STAG3: variants seen among roughly 807,000 people sequenced by gnomAD.
STAG3 encodes STAG3 cohesin complex component.
In STAG3, 101 loss-of-function variants were observed where a neutral mutation model predicts 160.7. The ratio of observed to expected loss-of-function variants is 0.63; its 90% CI spans 0.54 to 0.74. The LOEUF (loss-of-function observed/expected upper bound fraction) is 0.74. STAG3 is among the 30% of genes least tolerant of loss of function. STAG3 has a pLI of 0.00. For synonymous variants in STAG3, 519 were observed against 585.0 expected, an observed-to-expected ratio of 0.89 and a Z score of 1.63; for missense variants, 1,188 against 1,517.4, an observed-to-expected ratio of 0.78 and a Z score of 3.61.
downstream of STAG3, among the ~76,000 whole-genome samples, chr7:100,217,722 TTTACC>T (rs1358225431): frequency 3.3e-5 from 5 of 152,262 alleles, no homozygotes; most frequent in East Asian, 9.6e-4. Flanking sequence ...GACAGGGGTC[TTTACC>T]TTTTAGGTAG....
At position 100,196,562 on chromosome 7, in the gene STAG3, C is replaced by G. The variant is rs531167563; in HGVS notation, c.942-594C>G. ...ACCCCAGCACTTTGGGAGGCCAAGA[C>G]AGGCAGATCACTTGAGGTCAGGAGT... On this transcript the variant is annotated intron_variant, in intron 9 of 33. Transcript: ENST00000615138. Among the ~76,000 whole-genome samples, 3 of 152,190 alleles carry G rather than the reference C, an allele frequency of 2.0e-5. No individual in the cohort carries two copies. In the East Asian group the frequency reaches 5.8e-4, roughly 29 times the overall value.
intron 8 of STAG3, 125 bp from the exon 9 acceptor site, chr7:100,195,184 T>C: frequency 1.2e-6 from 1 of 803,494 alleles, no homozygotes; most frequent in Non-Finnish European, 2.2e-6. Context: ...AGCATAGGAT[T>C]ACGGGGGTTC....
chr7:100,189,406 T>C, intron 7 of STAG3, 39 bp from the exon 8 acceptor site: 1 of 1,594,510 alleles, frequency 6.3e-7, no homozygotes, highest in Non-Finnish European at 8.5e-7. Flanking sequence ...TCCTCTGACC[T>C]CAGTAATGAT....
chr7:100,213,422 A>AC, intron 32 of STAG3: 1 of 985,476 alleles, frequency 1.0e-6, no homozygotes, highest in Non-Finnish European at 1.2e-6. Context: ...GAGAAACCAA[A>AC]CAATGATACC....
In STAG3 at chr7:100,188,756, A is replaced by G. The variant is rs1320797813; in HGVS notation, c.511-56A>G. 2.6e-5 allele frequency: 41 copies of G among 1,570,682 alleles called. No individual in the cohort carries two copies. In the Admixed American group the frequency reaches 5.3e-4, roughly 20 times the overall value. ...GTTGAGTTTTGACATCCAAGCCCCT[A>G]TGACTTCATGGACCTGGTAATAACT... On this transcript the variant is annotated intron_variant, in intron 6 of 33. Transcript: ENST00000615138.
intron 33 of STAG3, 58 bp downstream of exon 33, chr7:100,213,864 T>C (rs375579383): frequency 6.2e-7 from 1 of 1,613,722 alleles, no homozygotes; most frequent in African/African-American, 1.3e-5. Flanking sequence ...AGGCAACCCG[T>C]GCACTCATCA....
At position 100,199,340 on chromosome 7, in the gene STAG3, A is replaced by G. The variant is rs752618983; in HGVS notation, c.1546A>G (p.Thr516Ala). Reference sequence around the variant, plus strand: ...TCGGCTGAAGGACTGGGAGGGTCTGACAAGCCTGCTGCTGGAGAAGGACCA... The same window carrying G: ...TCGGCTGAAGGACTGGGAGGGTCTGGCAAGCCTGCTGCTGGAGAAGGACCA... ...GARLKDWEGL[T>A]SLLLEKDQNL... The change falls in exon 15 of 34, where the codon ACA (threonine) becomes GCA (alanine). Residue 516 changes from threonine (T) to alanine (A), a missense_variant. Thr to Ala is a moderately conservative substitution (Grantham distance 58, BLOSUM62 0). Coordinates refer to ENST00000615138, the MANE Select transcript of STAG3 (RefSeq NM_001282717.2). The G allele has an allele frequency of 6.2e-7, 1 of 1,614,086 alleles. No homozygotes were observed. The highest frequency in any genetic ancestry group is 2.2e-5 in the East Asian group (1 of 44,878).
At chr7:100,212,923 C>T (rs187360275) in intron 32 of STAG3, 2 of 152,942 alleles carry the variant, frequency 1.3e-5, no homozygotes, top group South Asian at 2.1e-4. Flanking sequence ...ATAAAATGGA[C>T]CTTTTACATA....
At position 100,205,368 on chromosome 7, in the gene STAG3, G is replaced by GA; in HGVS notation, c.3223dup (p.Arg1075LysfsTer5). On this transcript the variant is annotated frameshift_variant, in exon 29 of 34. Transcript: ENST00000615138. LOFTEE classifies it high-confidence loss of function. ...GCCCTCAGGTCCTCCCCAGCTCCAA[G>GA]AGGAGGCGCGTTGAAGGTAGGGTGC... 6.2e-7 allele frequency: 1 copy of GA among 1,613,446 alleles called. No homozygotes were observed. Among genetic ancestry groups the GA allele is most frequent in the Non-Finnish European group, 8.5e-7 (1 of 1,179,728 alleles).
rs1342702390 is a variant in STAG3, at chr7:100,214,304, G to A, written c.*289G>A. ...CTGTGTTTAATGGAAATAGCCCATA[G>A]TCTCCTGGATTTTTGGAACATCTTT... On this transcript the variant is annotated 3_prime_UTR_variant, in exon 34 of 34. Transcript: ENST00000615138. 2.1e-6 allele frequency: 1 copy of A among 476,076 alleles called. No homozygotes were observed. The highest frequency in any genetic ancestry group is 3.7e-6 in the Non-Finnish European group (1 of 269,452). 29.5% of individuals were successfully genotyped at this position (476,076 alleles called of 1,614,324 possible). A position where few individuals can be genotyped will look rare whatever the true frequency, so the allele number is the denominator to read the frequency against.
intron 25 of STAG3, 62 bp from the exon 26 acceptor site, chr7:100,203,959 G>T: frequency 8.6e-7 from 1 of 1,159,730 alleles, no homozygotes; most frequent in South Asian, 1.2e-5. Flanking sequence ...GGGATGTGAA[G>T]GAAGAAACCA....
intron 1 of STAG3, among the ~76,000 whole-genome samples, chr7:100,180,107 G>C (rs1166775880): frequency 2.0e-5 from 3 of 152,076 alleles, no homozygotes; most frequent in Non-Finnish European, 4.4e-5. Flanking sequence ...GCTGGATGGA[G>C]TACAGTGGTG....
intron 9 of STAG3, among the ~76,000 whole-genome samples, chr7:100,196,350 G>T (rs1024123691): frequency 6.6e-6 from 1 of 151,296 alleles, no homozygotes; most frequent in African/African-American, 2.4e-5. Flanking sequence ...GTGCGATCTC[G>T]GCTCACGGCA....
At chr7:100,194,617 G>A (rs979481586) in intron 8 of STAG3, among the ~76,000 whole-genome samples, 4 of 151,956 alleles carry the variant, frequency 2.6e-5, no homozygotes, top group East Asian at 1.9e-4. Flanking sequence ...GGGAGAGCCC[G>A]TCTCTACAAA....
At chr7:100,203,180 CTTTTCT>C (rs1386535559) in intron 25 of STAG3, among the ~76,000 whole-genome samples, 6 of 136,226 alleles carry the variant, frequency 4.4e-5, no homozygotes, top group Admixed American at 8.5e-5. Context: ...TATTTCTTTT[CTTTTCT>C]TTTTTTTTTT....
Position 100,197,796 on chromosome 7 carries a change from A to G in STAG3, c.1084A>G (p.Lys362Glu). Reference sequence around the variant, plus strand: ...TCACCAGCACCGAGAAGTCCGCCTGAAGTGTGTGAAGGCCCTGAAAGGGCT... The same window carrying G: ...TCACCAGCACCGAGAAGTCCGCCTGGAGTGTGTGAAGGCCCTGAAAGGGCT... Reference protein sequence around the residue: ...LHDKHREVRLKCVKALKGLYG... With the variant: ...LHDKHREVRLECVKALKGLYG... The change falls in exon 11 of 34, where the codon AAG (lysine) becomes GAG (glutamate). Residue 362 changes from lysine to glutamate, a missense_variant. Lys to Glu is a moderately conservative substitution (Grantham distance 56). Coordinates refer to ENST00000615138, the MANE Select transcript of STAG3 (RefSeq NM_001282717.2). 6.2e-7 allele frequency: 1 copy of G among 1,613,492 alleles called. No individual in the cohort carries two copies. The highest frequency in any genetic ancestry group is 1.1e-5 in the South Asian group (1 of 91,028).
rs200361384 is a variant in STAG3 at position 100,204,054 on chromosome 7, A to T, written c.2734A>T (p.Thr912Ser). The T allele has an allele frequency of 6.8e-6, 11 of 1,613,992 alleles. No individual in the cohort carries two copies. Among genetic ancestry groups the T allele is most frequent in the Non-Finnish European group, 9.3e-6 (11 of 1,179,954 alleles). The change falls in exon 26 of 34, where the codon ACA becomes TCA. Residue 912 changes from threonine to serine, a missense_variant. Around this residue, in one of 4 missense-constraint regions of STAG3, gnomAD observed 647 missense variants for 717.2 expected, o/e 0.90. Transcript: ENST00000615138. Reference protein sequence around the residue: ...YNDYGDIIKETLTRARQIDRS... With the variant: ...YNDYGDIIKESLTRARQIDRS... ...TGACTATGGTGACATTATCAAGGAA[A>T]CATTAACTAGAGCAAGGCAGATTGA...
rs778549704 is a variant in STAG3 at position 100,211,843 on chromosome 7, TGA to T, written c.3569_3570del (p.Glu1190ValfsTer3). 3 of 1,614,050 alleles carry T rather than the reference TGA, an allele frequency of 1.9e-6. No homozygotes were observed. Among genetic ancestry groups the T allele is most frequent in the Non-Finnish European group, 2.5e-6 (3 of 1,180,004 alleles). ...DEEEELEIQD[E>X]SNEERQDTDM... The stretch of plus-strand genomic sequence containing the variant: ...AGGAAGAAGAGTTAGAAATCCAGGA[TGA>T]GTCAAATGAAGAACGGCAGGATACA... On this transcript the variant is annotated frameshift_variant, in exon 32 of 34. Transcript: ENST00000615138. LOFTEE classifies it high-confidence loss of function.
At chr7:100,198,752 T>C in intron 13 of STAG3, 91 bp from the exon 14 acceptor site, 1 of 1,307,726 alleles carries the variant, frequency 7.6e-7, no homozygotes, top group Non-Finnish European at 1.1e-6. Flanking sequence ...TTTTCCTTTA[T>C]CATCTCCTTG....
Sources: gnomAD v4.1 joint callset for allele counts (sites outside exome capture counted in the v4.1 genomes callset) on GRCh38, gnomAD v4.1.1 for gene constraint, gnomAD v4.1.1 regional missense constraint, MANE v1.5 for transcripts, NCBI Gene and HGNC (gene_info 2026-07-23, HGNC 2026-07-21) for gene names.